Variants in NIPBL observed in about 807,000 individuals in gnomAD.
The protein encoded by NIPBL is nipped-B-like protein.
In NIPBL, 19 loss-of-function variants were observed where a neutral mutation model predicts 321.8. The observed-to-expected ratio is 0.06, with a 90% CI of 0.04 to 0.09. The LOEUF is 0.09. Ranked by LOEUF, NIPBL falls within the 10% of genes least tolerant of loss-of-function variation. The pLI is 1.00. For synonymous variants in NIPBL, 1,106 were observed against 1,114.1 expected (o/e 0.99, Z 0.14); for missense variants, 2,210 against 3,327.0 (o/e 0.66, Z 8.26).
chr5:36,891,330 A>G (rs902654952), intron 1 of NIPBL, among the ~76,000 whole-genome samples: 6 of 152,236 alleles, frequency 3.9e-5, no homozygotes, highest in Admixed American at 1.3e-4. Flanking sequence ...AATACAGTTT[A>G]TAGACAGGTA....
At chr5:36,997,133 T>A (rs192468822) in intron 11 of NIPBL, 1 of 152,332 alleles carries the variant, frequency 6.6e-6, no homozygotes, top group East Asian at 1.9e-4. Context: ...TGGTTAGCTC[T>A]GGAAGATGAG....
chr5:36,985,159 A>G lies in NIPBL; in HGVS notation c.1979A>G (p.Glu660Gly), dbSNP rs867081982. The change falls in exon 10 of 47, where the codon GAA (glutamate) becomes GGA (glycine). Residue 660 changes from glutamate (E) to glycine (G), a missense_variant. Coordinates refer to ENST00000282516, the MANE Select transcript of NIPBL (RefSeq NM_133433.4). ...AAACAGAATGAGAGCAGAACAACTG[A>G]ATGCAAACAAAACGAGAGCACCATA... ...ELKQNESRTT[E>G]CKQNESTIVE... 66 of 1,613,972 alleles carry G rather than the reference A, an allele frequency of 4.1e-5. 1 individual carries two copies. The Middle Eastern group carries it at 5.4e-3, about 133-fold the overall frequency.
At chr5:37,018,827 A>G (rs1326545543) in intron 24 of NIPBL, among the ~76,000 whole-genome samples, 1 of 152,192 alleles carries the variant, frequency 6.6e-6, no homozygotes, top group African/African-American at 2.4e-5. Context: ...CATATGGTTC[A>G]TAAAAATAAT....
At chr5:36,962,915 A>G (rs1362912356) in intron 6 of NIPBL, among the ~76,000 whole-genome samples, 1 of 152,156 alleles carries the variant, frequency 6.6e-6, no homozygotes, top group African/African-American at 2.4e-5. Context: ...AGATTTTGGT[A>G]TCCACAGAAG....
At chr5:36,920,160 G>A (rs761986181) in intron 1 of NIPBL, among the ~76,000 whole-genome samples, 2 of 151,984 alleles carry the variant, frequency 1.3e-5, no homozygotes, top group Non-Finnish European at 2.9e-5. Flanking sequence ...AAAAGAAAAG[G>A]CTTCTCAAGT....
intron 20 of NIPBL, among the ~76,000 whole-genome samples, chr5:37,009,554 A>G (rs971765433): frequency 2.0e-5 from 3 of 152,168 alleles, no homozygotes; most frequent in South Asian, 2.1e-4. Context: ...TTAAACCTGA[A>G]GAAAAACTAT....
chr5:36,916,932 G>C (rs1241239711), intron 1 of NIPBL, among the ~76,000 whole-genome samples: 1 of 152,114 alleles, frequency 6.6e-6, no homozygotes, highest in Non-Finnish European at 1.5e-5. Context: ...CCAAGTCTTT[G>C]CTATTGTGAA....
chr5:37,053,152 G>A (rs1457173322), intron 42 of NIPBL, among the ~76,000 whole-genome samples: 1 of 152,146 alleles, frequency 6.6e-6, no homozygotes, highest in Admixed American at 6.6e-5. Flanking sequence ...CGATTTCTTT[G>A]TGGGGTGAAC....
intron 1 of NIPBL, among the ~76,000 whole-genome samples, chr5:36,947,877 A>G (rs1370507660): frequency 2.6e-5 from 4 of 151,902 alleles, no homozygotes; most frequent in Admixed American, 6.6e-5. Flanking sequence ...CTAGACCATC[A>G]TTTTTATGAA....
intron 1 of NIPBL, among the ~76,000 whole-genome samples, chr5:36,877,679 A>G (rs1745199016): frequency 1.3e-5 from 2 of 152,350 alleles, no homozygotes; most frequent in Admixed American, 1.3e-4. Context: ...CTGTGACCCC[A>G]TGAAGGGAGG....
rs1045615108 is a variant in NIPBL at position 36,986,090 on chromosome 5, T to C, written c.2910T>C (p.Thr970=). The change falls in exon 10 of 47, where the codon ACT becomes ACC. Residue 970 remains threonine (T), a synonymous_variant. Transcript: ENST00000282516. ...AGAGGGATAAAGATGGCAATGTTAC[T>C]CAGGAGACAAAGAAAATGGAAATGA... ...KIKRDKDGNV[T]QETKKMEMKG... 5.6e-6 allele frequency: 9 copies of C among 1,613,590 alleles called. No homozygotes were observed. The highest frequency in any genetic ancestry group is 1.3e-5 in the African/African-American group (1 of 74,788).
intron 1 of NIPBL, among the ~76,000 whole-genome samples, chr5:36,895,996 T>C (rs1268548185): frequency 6.6e-6 from 1 of 152,226 alleles, no homozygotes; most frequent in Non-Finnish European, 1.5e-5. Flanking sequence ...TGCTTATGCT[T>C]TGGGTGTCAT....
chr5:37,032,184 T>G (rs1751106418), intron 32 of NIPBL, among the ~76,000 whole-genome samples: 1 of 152,160 alleles, frequency 6.6e-6, no homozygotes, highest in Non-Finnish European at 1.5e-5. Context: ...GTTCTGTATA[T>G]TGGTGTAGGG....
chr5:36,993,205 T>C (rs2149658724), intron 10 of NIPBL, among the ~76,000 whole-genome samples: 1 of 152,324 alleles, frequency 6.6e-6, no homozygotes, highest in South Asian at 2.1e-4. Context: ...GGATGATACA[T>C]GTAGAGACAT....
intron 40 of NIPBL, chr5:37,050,799 A>G (rs1052555018): frequency 1.3e-5 from 2 of 152,162 alleles, no homozygotes; most frequent in African/African-American, 4.8e-5. Flanking sequence ...AGATTCTGCT[A>G]GTTAACCAAG....
At chr5:37,056,212 T>C (rs1334434425) in intron 42 of NIPBL, among the ~76,000 whole-genome samples, 3 of 152,108 alleles carry the variant, frequency 2.0e-5, no homozygotes. Flanking sequence ...TTGATACATA[T>C]TGTAAAGTAA....
At position 37,047,299 on chromosome 5, in the gene NIPBL, T is replaced by G. The variant is rs1753081489; in HGVS notation, c.6589+1100T>G. Among the ~76,000 whole-genome samples, 3 of 152,216 alleles carry G rather than the reference T, an allele frequency of 2.0e-5. No individual in the cohort carries two copies. The South Asian group carries it at 6.2e-4, about 32-fold the overall frequency. ...TGGAAATTTTATTTTGGTGTTATGATTAAGGTTTATACTTTAATCTGCATG... is the reference window on the plus strand; with the variant it reads ...TGGAAATTTTATTTTGGTGTTATGAGTAAGGTTTATACTTTAATCTGCATG... On this transcript the variant is annotated intron_variant, in intron 38 of 46. Coordinates refer to ENST00000282516, the MANE Select transcript of NIPBL (RefSeq NM_133433.4).
rs761724507 is a variant in NIPBL, at chr5:37,020,658, A to G, written c.5210A>G (p.Gln1737Arg). Residue 1737 changes from glutamine to arginine, a missense_variant, in exon 26 of 47, where the codon CAG (glutamine) becomes CGG (arginine). Transcript: ENST00000282516. ...LRSIIKTTPS[Q>R]FSTLKMNSDT... ...AGCATTATCAAAACCACACCTTCTC[A>G]GTTTAGCACATTAAAGTAAGATCCA... is the stretch of plus-strand genomic sequence containing the variant. 4 of 1,613,846 alleles carry G rather than the reference A, an allele frequency of 2.5e-6. No individual in the cohort carries two copies. The highest frequency in any genetic ancestry group is 2.5e-6 in the Non-Finnish European group (3 of 1,179,760).
chr5:36,880,447 T>C (rs1745419330), intron 1 of NIPBL, among the ~76,000 whole-genome samples: 1 of 152,092 alleles, frequency 6.6e-6, no homozygotes, highest in South Asian at 2.1e-4. Flanking sequence ...AATTCTAAAA[T>C]TTTAAATTAA....
Sources: gnomAD v4.1 joint callset for allele counts (sites outside exome capture counted in the v4.1 genomes callset) on GRCh38, gnomAD v4.1.1 for gene constraint, MANE v1.5 for transcripts, NCBI Gene and HGNC (gene_info 2026-07-23, HGNC 2026-07-21) for gene names.